KCNAB2: variants seen among roughly 807,000 people sequenced by gnomAD.
KCNAB2 encodes potassium voltage-gated channel subfamily A regulatory beta subunit 2.
A neutral mutation model predicts 63.6 loss-of-function variants in KCNAB2; 29 were observed. The observed-to-expected ratio is 0.46, with a 90% CI of 0.34 to 0.62. The LOEUF is 0.62. Ranked by LOEUF, KCNAB2 falls within the 20% of genes least tolerant of loss-of-function variation. KCNAB2 has a pLI of 0.01. For missense variants in KCNAB2, 359 were observed against 563.9 expected (o/e 0.64, Z 3.68); for synonymous variants, 222 against 224.2 (o/e 0.99, Z 0.09).
intron 10 of KCNAB2, among the ~76,000 whole-genome samples, chr1:6,092,559 T>A (rs72630696): frequency 2.0e-5 from 3 of 152,344 alleles, no homozygotes; most frequent in Non-Finnish European, 4.4e-5. Context: ...GAACTGATGC[T>A]GCATGCTCAC....
chr1:6,082,653 A>G (rs1664308012), intron 5 of KCNAB2, among the ~76,000 whole-genome samples: 1 of 152,194 alleles, frequency 6.6e-6, no homozygotes, highest in Non-Finnish European at 1.5e-5. Flanking sequence ...TGGGGAGGGC[A>G]GGCTCCGGCC....
upstream of KCNAB2, among the ~76,000 whole-genome samples, chr1:6,044,974 T>G (rs966914536): frequency 6.6e-6 from 1 of 152,120 alleles, no homozygotes; most frequent in Non-Finnish European, 1.5e-5. Context: ...TACCACCCAG[T>G]AGTGAGGCGC....
rs1658265430 is a variant in KCNAB2 at position 6,012,793 on chromosome 1, GATC to G, written c.-53+20008_-53+20010del. On this transcript the variant is annotated intron_variant, in intron 1 of 16. Coordinates refer to the KCNAB2 transcript ENST00000341524. Reference sequence around the variant, plus strand: ...GAGATGATTGAGATGGAGGGGCAGAGATCATGGTAGAGGTGGAGGTGACAGCAG... The same window carrying G: ...GAGATGATTGAGATGGAGGGGCAGAGATGGTAGAGGTGGAGGTGACAGCAG... Among the ~76,000 whole-genome samples the G allele has an allele frequency of 2.0e-5, 3 of 151,938 alleles. No homozygotes were observed. The South Asian group carries it at 6.2e-4, about 32-fold the overall frequency.
intron 1 of KCNAB2, among the ~76,000 whole-genome samples, chr1:6,027,652 C>T (rs1570893262): frequency 6.6e-6 from 1 of 152,188 alleles, no homozygotes; most frequent in African/African-American, 2.4e-5. Context: ...AGGCATTGAA[C>T]GTTGCTTTGA....
chr1:6,081,866 T>C (rs1664239372), intron 4 of KCNAB2, among the ~76,000 whole-genome samples: 1 of 152,266 alleles, frequency 6.6e-6, no homozygotes, highest in Admixed American at 6.5e-5. Flanking sequence ...ACATGAATTC[T>C]GTGGGGATAC....
At chr1:5,999,460 C>T (rs552439320) in intron 1 of KCNAB2, among the ~76,000 whole-genome samples, 34 of 152,300 alleles carry the variant, frequency 2.2e-4, no homozygotes, top group South Asian at 1.2e-3. Context: ...AGGAAGCACA[C>T]GAGGAAGCTG....
At chr1:6,052,221 A>G (rs2100539231) in intron 2 of KCNAB2, among the ~76,000 whole-genome samples, 1 of 152,288 alleles carries the variant, frequency 6.6e-6, no homozygotes, top group East Asian at 1.9e-4. Flanking sequence ...CAGAAGTCTG[A>G]GACCAGCCTA....
At chr1:6,012,117 T>G (rs2100275842) in intron 1 of KCNAB2, among the ~76,000 whole-genome samples, 5 of 123,972 alleles carry the variant, frequency 4.0e-5, no homozygotes, top group East Asian at 2.4e-4. Context: ...TGGGTGGAGG[T>G]GATGAAGGTG....
At chr1:6,038,231 C>T (rs1185875287) in intron 1 of KCNAB2, among the ~76,000 whole-genome samples, 1 of 152,054 alleles carries the variant, frequency 6.6e-6, no homozygotes, top group Non-Finnish European at 1.5e-5. Flanking sequence ...AGCCCCACCA[C>T]TTCCTCTGAG....
chr1:6,080,128 C>T (rs1310124791), intron 4 of KCNAB2, among the ~76,000 whole-genome samples: 2 of 152,234 alleles, frequency 1.3e-5, no homozygotes, highest in African/African-American at 2.4e-5. Flanking sequence ...GAAGCCCTGC[C>T]AGGAGCGTGA....
rs1387848587 is a variant in KCNAB2, at chr1:6,101,154, T to C, written c.*2580T>C. The C allele has an allele frequency of 1.3e-5, 2 of 152,172 alleles. No individual in the cohort carries two copies. The highest frequency in any genetic ancestry group is 2.9e-5 in the Non-Finnish European group (2 of 68,060). The allele number at this position is 152,172 out of a possible 1,614,324, so 9.4% of individuals were successfully genotyped here. ...CGACACAGCCACCGTATTTATGGAATGACAAAATAAATAAAGCCCAAACCC... is the reference window on the plus strand; with the variant it reads ...CGACACAGCCACCGTATTTATGGAACGACAAAATAAATAAAGCCCAAACCC... On this transcript the variant is annotated 3_prime_UTR_variant, in exon 16 of 16. Transcript: ENST00000378083.
At chr1:6,065,414 G>T (rs1662662295) in intron 2 of KCNAB2, among the ~76,000 whole-genome samples, 1 of 152,246 alleles carries the variant, frequency 6.6e-6, no homozygotes, top group South Asian at 2.1e-4. Flanking sequence ...CATTGACATG[G>T]TGGGAGCCTC....
intron 4 of KCNAB2, among the ~76,000 whole-genome samples, chr1:6,077,597 G>A (rs939409291): frequency 7.9e-5 from 12 of 152,226 alleles, no homozygotes; most frequent in African/African-American, 2.7e-4. Context: ...TCTGTGATTG[G>A]CCGGGCTTTC....
At chr1:6,049,367 T>G (rs1557451440) in intron 1 of KCNAB2, among the ~76,000 whole-genome samples, 1 of 151,652 alleles carries the variant, frequency 6.6e-6, no homozygotes, top group African/African-American at 2.4e-5. Flanking sequence ...TTCAGGGGAG[T>G]GAATTCAGCA....
intron 1 of KCNAB2, among the ~76,000 whole-genome samples, chr1:5,997,440 C>T (rs1657001865): frequency 6.6e-6 from 1 of 152,156 alleles, no homozygotes; most frequent in South Asian, 2.1e-4. Context: ...GACCTTGGGC[C>T]TCGTGGAGGG....
Position 6,086,193 on chromosome 1 carries a change from C to A in KCNAB2, c.425+945C>A. The A allele has an allele frequency of 2.0e-6, 2 of 985,316 alleles. No homozygotes were observed. Among genetic ancestry groups the A allele is most frequent in the Non-Finnish European group, 2.4e-6 (2 of 829,832 alleles). 61.0% of individuals were successfully genotyped at this position (985,316 alleles called of 1,614,324 possible). A position where few individuals can be genotyped will look rare whatever the true frequency, so the allele number is the denominator to read the frequency against. ...AGCAGTTATAAAGTTGGGCCTCCCT[C>A]CTCCCTCCCCTCGAAATGCCACTCA... On this transcript the variant is annotated intron_variant, in intron 6 of 15. Transcript: ENST00000378083. This position sits in a 1 kb window ranked among gnomAD's most constrained non-coding sequence, Gnocchi z 4.2.
rs1270844973 is a variant in KCNAB2 at position 6,096,001 on chromosome 1, A to G, written c.948+377A>G. 8.9e-6 allele frequency: 4 copies of G among 447,672 alleles called. No individual in the cohort carries two copies. Among genetic ancestry groups the G allele is most frequent in the Non-Finnish European group, 1.8e-5 (4 of 222,950 alleles). 27.7% of individuals were successfully genotyped at this position (447,672 alleles called of 1,614,324 possible). A position where few individuals can be genotyped will look rare whatever the true frequency, so the allele number is the denominator to read the frequency against. Reference sequence around the variant, plus strand: ...TCCGAGATGGGGGCTGCAAAGCCACATGGAGGTGACCCTGGGAGAGGCGCC... The same window carrying G: ...TCCGAGATGGGGGCTGCAAAGCCACGTGGAGGTGACCCTGGGAGAGGCGCC... On this transcript the variant is annotated intron_variant, in intron 13 of 15. Transcript: ENST00000378083. The surrounding 1 kb of genome is among the most constrained non-coding windows in gnomAD (Gnocchi z 5.9).
At chr1:6,097,537 A>T (rs1291835420) in intron 15 of KCNAB2, 180 bp downstream of exon 15, 1 of 1,050,810 alleles carries the variant, frequency 9.5e-7, no homozygotes, top group Non-Finnish European at 1.4e-6. Context: ...CATGAACACT[A>T]ACTGCACGAA....
chr1:6,061,906 G>A (rs753316097), intron 2 of KCNAB2, among the ~76,000 whole-genome samples: 19 of 152,056 alleles, frequency 1.2e-4, no homozygotes, highest in East Asian at 1.9e-4. Context: ...AAAATAAGTC[G>A]GTGGTAAAAA....
Sources: allele counts gnomAD v4.1 joint callset (sites outside exome capture counted in the v4.1 genomes callset), GRCh38; gene constraint gnomAD v4.1.1; non-coding constraint Gnocchi (gnomAD v3.1); transcripts MANE v1.5; gene names NCBI Gene and HGNC (gene_info 2026-07-23, HGNC 2026-07-21).